The following ODAD4 variants were observed in gnomAD, a reference collection of about 807,000 sequenced individuals.
ODAD4 encodes the protein outer dynein arm-docking complex subunit 4.
In ODAD4, 49 loss-of-function variants were observed where a neutral mutation model predicts 51.8. That is an observed-to-expected ratio of 0.95 (90% CI 0.75 to 1.20). The LOEUF (loss-of-function observed/expected upper bound fraction) is 1.20. Among genes scored for constraint, ODAD4 ranks in the 50% most tolerant of loss-of-function variants. The probability of loss-of-function intolerance (pLI) is 0.00; values close to 1 mark genes in which losing one functional copy is unlikely to be tolerated. For missense variants in ODAD4, 590 were observed against 586.5 expected (o/e 1.01, Z -0.06); for synonymous variants, 235 against 221.3 (o/e 1.06, Z -0.55).
intron 1 of ODAD4, among the ~76,000 whole-genome samples, chr17:41,934,948 C>T (rs1449072524): frequency 1.3e-5 from 2 of 152,180 alleles, no homozygotes; most frequent in Admixed American, 6.6e-5. Flanking sequence ...TACTCTTCAG[C>T]CAGTGGCTTC....
chr17:41,965,414 A>G lies in ODAD4; in HGVS notation c.1950A>G (p.Gly650=), dbSNP rs1555642529. The G allele has an allele frequency of 2.6e-6, 2 of 778,916 alleles. No homozygotes were observed. The highest frequency in any genetic ancestry group is 1.7e-5 in the Admixed American group (1 of 58,630). 48.3% of individuals were successfully genotyped at this position (778,916 alleles called of 1,614,324 possible). A position where few individuals can be genotyped will look rare whatever the true frequency, so the allele number is the denominator to read the frequency against. The change falls in exon 12 of 12, where the codon GGA becomes GGG. Residue 650 remains glycine, a synonymous_variant. Transcript: ENST00000377540. The part of the protein sequence containing the change: ...EVGRREPEEL[G]KTQFGEIGET... The stretch of plus-strand genomic sequence containing the variant: ...GCAGAAGAGAGCCAGAAGAACTGGG[A>G]AAAACACAATTTGGAGAAATAGGAG...
In ODAD4 at chr17:41,961,290, C is replaced by T. The variant is rs782686005; in HGVS notation, c.1444-92C>T. On this transcript the variant is annotated intron_variant, in intron 10 of 11. Transcript: ENST00000377540. ...GGAAACCAAGGGTGGCAGGTTCCCA[C>T]CAGAGCCCTGCCTTCTGGGATTGAT... 10 of 681,706 alleles carry T rather than the reference C, an allele frequency of 1.5e-5. 1 individual carries two copies. The highest frequency in any genetic ancestry group is 1.4e-4 in the South Asian group (9 of 62,468). The allele number at this position is 681,706 out of a possible 1,614,324, so 42.2% of individuals were successfully genotyped here.
intron 1 of ODAD4, among the ~76,000 whole-genome samples, chr17:41,931,411 C>T (rs1371039845): frequency 2.6e-5 from 4 of 152,152 alleles, no homozygotes; most frequent in East Asian, 1.9e-4. Context: ...CATGATTAAC[C>T]GGCCTCCTTC....
rs782754839 is a variant in ODAD4, at chr17:41,935,339, T to C, written c.237T>C (p.Ala79=). 1 of 1,613,696 alleles carries C rather than the reference T, an allele frequency of 6.2e-7. No homozygotes were observed. The highest frequency in any genetic ancestry group is 8.5e-7 in the Non-Finnish European group (1 of 1,179,820). Residue 79 remains alanine (A), a synonymous_variant, in exon 2 of 12, where the codon GCT becomes GCC. Coordinates refer to ENST00000377540, the MANE Select transcript of ODAD4 (RefSeq NM_031421.5). ...AGGCTTCGCTCCAGAGTGACCCAGCTTTCTGTAAGGTGACTGCATGGGCGG... is the reference window on the plus strand; with the variant it reads ...AGGCTTCGCTCCAGAGTGACCCAGCCTTCTGTAAGGTGACTGCATGGGCGG... ...DAEASLQSDP[A]FCKGILQKAE...
intron 1 of ODAD4, among the ~76,000 whole-genome samples, chr17:41,933,691 G>A (rs1356478154): frequency 1.3e-5 from 2 of 151,726 alleles, no homozygotes; most frequent in Admixed American, 6.6e-5. Flanking sequence ...GCGGGCACCC[G>A]TAGTCCCAGG....
At position 41,965,385 on chromosome 17, in the gene ODAD4, G is replaced by A; in HGVS notation, c.1921G>A (p.Val641Met). ...AGAAGAACTAAAGAAACTTTCAGAA[G>A]TGGGCAGAAGAGAGCCAGAAGAACT... The part of the protein sequence containing the change: ...EPEELKKLSE[V>M]GRREPEELGK... Residue 641 changes from valine (V) to methionine (M), a missense_variant, in exon 12 of 12, where the codon GTG becomes ATG. By Grantham distance (21) the Val-to-Met change is conservative. This residue lies in a region of ODAD4 where 226 missense variants were observed against 162.7 expected (regional missense o/e 1.39). Coordinates refer to ENST00000377540, the MANE Select transcript of ODAD4 (RefSeq NM_031421.5). 1.3e-6 allele frequency: 1 copy of A among 780,692 alleles called. No homozygotes were observed. Among genetic ancestry groups the A allele is most frequent in the Non-Finnish European group, 2.4e-6 (1 of 417,976 alleles). 48.4% of individuals were successfully genotyped at this position (780,692 alleles called of 1,614,324 possible).
intron 10 of ODAD4, among the ~76,000 whole-genome samples, chr17:41,958,587 G>A (rs149573388): frequency 0.013 from 2,036 of 151,090 alleles, 16 homozygotes; most frequent in Non-Finnish European, 0.019. Context: ...GCTTGAACCC[G>A]GGAGGTGGAG....
In ODAD4 at chr17:41,960,402, C is replaced by T. The variant is rs2050788922; in HGVS notation, c.1444-980C>T. On this transcript the variant is annotated intron_variant, in intron 10 of 11. Coordinates refer to ENST00000377540, the MANE Select transcript of ODAD4 (RefSeq NM_031421.5). ...GGCGGAGCTTGCAGTGAGCTGAGAT[C>T]GTGCCACTGCACTCCAGCATGCATG... 2.6e-5 allele frequency among the ~76,000 whole-genome samples: 4 copies of T among 152,088 alleles called. No individual in the cohort carries two copies. In the South Asian group the frequency reaches 6.2e-4, roughly 24 times the overall value.
rs143601720 is a variant in ODAD4, at chr17:41,965,735, AAG to A, written c.*253_*254del. 91,739 of 429,192 alleles carry A rather than the reference AAG, an allele frequency of 0.21. 10,862 individuals carry two copies. The highest frequency in any genetic ancestry group is 0.36 in the East Asian group (7,821 of 21,882). The allele number at this position is 429,192 out of a possible 1,614,324, so 26.6% of individuals were successfully genotyped here. A position where few individuals can be genotyped will look rare whatever the true frequency, so the allele number is the denominator to read the frequency against. On this transcript the variant is annotated 3_prime_UTR_variant, in exon 12 of 12. Transcript: ENST00000377540. ...AGAAATGAGAAAGGTGCCAAGAAGA[AAG>A]GGTTTCAGGAGGGTGAAGATACGGG...
intron 9 of ODAD4, among the ~76,000 whole-genome samples, chr17:41,954,131 G>A (rs782604738): frequency 1.3e-4 from 19 of 151,672 alleles, no homozygotes; most frequent in Non-Finnish European, 2.5e-4. Flanking sequence ...GTTTACAGTC[G>A]CCCGTCACCA....
intron 3 of ODAD4, 127 bp from the exon 4 acceptor site, chr17:41,936,346 C>T: frequency 2.9e-6 from 2 of 697,522 alleles, no homozygotes; most frequent in Non-Finnish European, 5.1e-6. Context: ...GCTAGGCTGG[C>T]TTAGGGCCAG....
chr17:41,934,508 C>T (rs1008728844), intron 1 of ODAD4, among the ~76,000 whole-genome samples: 8 of 151,862 alleles, frequency 5.3e-5, no homozygotes, highest in South Asian at 2.1e-4. Flanking sequence ...TGGACCACCA[C>T]GCCCAGCTAA....
At chr17:41,937,048 T>C in intron 5 of ODAD4, 121 bp downstream of exon 5, 2 of 1,210,204 alleles carry the variant, frequency 1.7e-6, no homozygotes, top group Middle Eastern at 5.8e-4. Context: ...TGTGGACAGG[T>C]TTTATTAGCA....
At chr17:41,954,909 G>C (rs551593739) in intron 9 of ODAD4, 1 of 341,350 alleles carries the variant, frequency 2.9e-6, no homozygotes, top group Admixed American at 4.2e-5. Context: ...GCAGGATGCG[G>C]TTTTCTCCTC....
At chr17:41,939,935 G>T (rs2050483667) in intron 7 of ODAD4, among the ~76,000 whole-genome samples, 1 of 152,100 alleles carries the variant, frequency 6.6e-6, no homozygotes, top group Non-Finnish European at 1.5e-5. Flanking sequence ...CACCCTGTAG[G>T]GCAGAAGGGA....
At chr17:41,954,176 G>A (rs1448032887) in intron 9 of ODAD4, among the ~76,000 whole-genome samples, 6 of 151,196 alleles carry the variant, frequency 4.0e-5, no homozygotes, top group African/African-American at 1.2e-4. Flanking sequence ...AGTAGAGATG[G>A]GGATGTCACC....
intron 1 of ODAD4, among the ~76,000 whole-genome samples, chr17:41,931,695 C>A (rs976712442): frequency 1.3e-5 from 2 of 151,940 alleles, no homozygotes; most frequent in Non-Finnish European, 2.9e-5. Context: ...GCATGTCCCA[C>A]CACGCCTGGC....
chr17:41,946,235 C>A (rs1213018815), intron 8 of ODAD4, among the ~76,000 whole-genome samples: 1 of 152,228 alleles, frequency 6.6e-6, no homozygotes, highest in Non-Finnish European at 1.5e-5. Flanking sequence ...CTCCCTGGCA[C>A]CTACATTCAG....
rs376099167 is a variant in ODAD4 at position 41,933,648 on chromosome 17, ATC to A, written c.115-1566_115-1565del. Among the ~76,000 whole-genome samples the A allele has an allele frequency of 1.3e-4, 20 of 151,338 alleles. No homozygotes were observed. The East Asian group carries it at 3.7e-3, about 28-fold the overall frequency. On this transcript the variant is annotated intron_variant, in intron 1 of 11. Transcript: ENST00000377540. ...GCTTTGGCAACAAGAGCAAAACGCC[ATC>A]TCAAAAAAAAAAAATTAGCCAGGTG...
Sources: gnomAD v4.1 joint callset for allele counts (sites outside exome capture counted in the v4.1 genomes callset) on GRCh38, gnomAD v4.1.1 for gene constraint, gnomAD v4.1.1 regional missense constraint, MANE v1.5 for transcripts, NCBI Gene and HGNC (gene_info 2026-07-23, HGNC 2026-07-21) for gene names.